GALNT14: variants seen among roughly 807,000 people sequenced by gnomAD.
GALNT14 encodes polypeptide N-acetylgalactosaminyltransferase 14, also known as UDP-GalNAc:polypeptide N-acetylgalactosaminyltransferase 14.
Under a neutral mutation model 77.5 loss-of-function variants are expected in GALNT14, and 60 were observed. The observed-to-expected ratio is 0.77, with a 90% confidence interval of 0.63 to 0.96. The LOEUF (loss-of-function observed/expected upper bound fraction) is 0.96. GALNT14 is among the 40% of genes least tolerant of loss of function. The pLI is 0.00. For synonymous variants in GALNT14, 280 were observed against 281.7 expected (o/e 0.99, Z 0.06); for missense variants, 710 against 731.0 (o/e 0.97, Z 0.33).
At chr2:30,964,290 C>A (rs541587030) in intron 3 of GALNT14, among the ~76,000 whole-genome samples, 6 of 152,192 alleles carry the variant, frequency 3.9e-5, no homozygotes, top group East Asian at 3.9e-4. Flanking sequence ...ATGAACCCCC[C>A]CTGGTGCCCC....
chr2:31,030,716 C>A (rs1378129473), intron 1 of GALNT14, among the ~76,000 whole-genome samples: 1 of 152,186 alleles, frequency 6.6e-6, no homozygotes, highest in Non-Finnish European at 1.5e-5. Flanking sequence ...GCACAGGCTT[C>A]TCCCTGGTGG....
chr2:31,137,510 C>G (rs529205513), intron 1 of GALNT14, among the ~76,000 whole-genome samples: 1 of 152,066 alleles, frequency 6.6e-6, no homozygotes, highest in Non-Finnish European at 1.5e-5. Context: ...CGCGGCGCAC[C>G]CGGCCTCCGG....
In GALNT14 at chr2:31,084,929, G is replaced by A. The variant is rs141275892; in HGVS notation, c.129+53029C>T. 2.0e-4 allele frequency among the ~76,000 whole-genome samples: 30 copies of A among 152,176 alleles called. No individual in the cohort carries two copies. The Middle Eastern group carries it at 0.01, about 52-fold the overall frequency. On this transcript the variant is annotated intron_variant, in intron 1 of 14. Coordinates refer to ENST00000349752, the MANE Select transcript of GALNT14 (RefSeq NM_024572.4). The stretch of plus-strand genomic sequence containing the variant: ...AATCCCAGCTACTCAGGAGGCTGAG[G>A]CAGGAGAATTACTTGAACCTGGGAG...
At chr2:31,133,562 T>G (rs7560152) in intron 1 of GALNT14, among the ~76,000 whole-genome samples, 3 of 151,996 alleles carry the variant, frequency 2.0e-5, no homozygotes, top group African/African-American at 7.3e-5. Flanking sequence ...ATACCTTCCT[T>G]GAAAATTACC....
At chr2:31,067,506 T>C (rs1317694112) in intron 1 of GALNT14, among the ~76,000 whole-genome samples, 1 of 151,992 alleles carries the variant, frequency 6.6e-6, no homozygotes, top group East Asian at 1.9e-4. Flanking sequence ...GAGGGTGCAC[T>C]CACTCAGGAA....
chr2:30,931,727 TA>T (rs1665741401), intron 10 of GALNT14, among the ~76,000 whole-genome samples: 1 of 151,750 alleles, frequency 6.6e-6, no homozygotes. Context: ...AACTCCAAAG[TA>T]AAAAGGGCTG....
intron 1 of GALNT14, among the ~76,000 whole-genome samples, chr2:31,009,441 A>C (rs1270181485): frequency 1.3e-5 from 2 of 152,042 alleles, no homozygotes; most frequent in Non-Finnish European, 2.9e-5. Context: ...GGAAGTGTGC[A>C]TGGATTTAGC....
chr2:30,914,544 C>T (rs1558398471), intron 13 of GALNT14, among the ~76,000 whole-genome samples: 1 of 152,172 alleles, frequency 6.6e-6, no homozygotes, highest in Non-Finnish European at 1.5e-5. Context: ...AGAATAGTGC[C>T]CTCTCTAATA....
intron 1 of GALNT14, among the ~76,000 whole-genome samples, chr2:31,026,931 ATATC>A (rs66987260): frequency 0.39 from 58,547 of 151,706 alleles, 11,439 homozygotes; most frequent in East Asian, 0.55. Context: ...CACAGCACGC[ATATC>A]TACAAGTGCA....
chr2:30,993,363 CA>C (rs1396006315), intron 1 of GALNT14, among the ~76,000 whole-genome samples: 1 of 152,194 alleles, frequency 6.6e-6, no homozygotes, highest in Non-Finnish European at 1.5e-5. Context: ...CAAGATCCCA[CA>C]GTTAGGAAAT....
chr2:30,955,771 C>T, intron 5 of GALNT14, 32 bp from the exon 6 acceptor site: 2 of 1,612,854 alleles, frequency 1.2e-6, no homozygotes, highest in Non-Finnish European at 1.7e-6. Flanking sequence ...GAAGTGGGTG[C>T]CACTGTCACT....
chr2:30,906,591 C>T (rs1330044737), downstream of GALNT14, among the ~76,000 whole-genome samples: 1 of 151,060 alleles, frequency 6.6e-6, no homozygotes, highest in African/African-American at 2.4e-5. Flanking sequence ...GAGACTTAGA[C>T]TCCCACACAT....
At chr2:31,062,800 C>T (rs1674688733) in intron 1 of GALNT14, among the ~76,000 whole-genome samples, 1 of 152,084 alleles carries the variant, frequency 6.6e-6, no homozygotes, top group Non-Finnish European at 1.5e-5. Context: ...ATTTGCATTT[C>T]TTTAATGACC....
chr2:30,925,256 G>A lies in GALNT14; in HGVS notation c.1152-433C>T, dbSNP rs576964333. 2.6e-3 allele frequency among the ~76,000 whole-genome samples: 390 copies of A among 152,328 alleles called. 2 individuals carry two copies. Among genetic ancestry groups the A allele is most frequent in the African/African-American group, 8.7e-3 (360 of 41,582 alleles). ...TCTCAAAAAATCCTTTTATTTGGCT[G>A]TTTCTGGGGCCTGGTCATGTATTTG... On this transcript the variant is annotated intron_variant, in intron 11 of 14. Transcript: ENST00000349752.
At chr2:30,949,360 G>A (rs968372183) in intron 6 of GALNT14, among the ~76,000 whole-genome samples, 5 of 152,096 alleles carry the variant, frequency 3.3e-5, no homozygotes, top group South Asian at 4.1e-4. Context: ...TTCTCCTCCT[G>A]TAGGCTAGGG....
At chr2:31,098,944 G>T (rs938607384) in intron 1 of GALNT14, among the ~76,000 whole-genome samples, 2 of 152,066 alleles carry the variant, frequency 1.3e-5, no homozygotes, top group African/African-American at 2.4e-5. Flanking sequence ...CATACAGTAG[G>T]CTGAGGAGGA....
chr2:31,110,257 G>A (rs930482335), intron 1 of GALNT14, among the ~76,000 whole-genome samples: 14 of 151,996 alleles, frequency 9.2e-5, no homozygotes, highest in African/African-American at 2.7e-4. Context: ...AGCTTCCTCC[G>A]GACCCTTGTT....
intron 1 of GALNT14, among the ~76,000 whole-genome samples, chr2:31,030,079 C>A (rs1395705925): frequency 6.6e-6 from 1 of 152,172 alleles, no homozygotes; most frequent in Non-Finnish European, 1.5e-5. Context: ...AGACTGTGAG[C>A]AGCTGGAGAA....
chr2:31,040,550 T>G (rs867957946), intron 1 of GALNT14, among the ~76,000 whole-genome samples: 4 of 152,308 alleles, frequency 2.6e-5, no homozygotes, highest in African/African-American at 7.2e-5. Context: ...AGGGACTAGA[T>G]GCTCCCAGCC....
Sources: allele counts gnomAD v4.1 joint callset (sites outside exome capture counted in the v4.1 genomes callset), GRCh38; gene constraint gnomAD v4.1.1; transcripts MANE v1.5; gene names NCBI Gene and HGNC (gene_info 2026-07-23, HGNC 2026-07-21).